Variants in TSPAN8 observed in about 807,000 individuals in gnomAD.
The protein encoded by TSPAN8 is tetraspanin 8.
TSPAN8 carries 21 observed loss-of-function variants against 32.8 expected under a neutral mutation model. The observed-to-expected ratio is 0.64, with a 90% CI of 0.45 to 0.92. The LOEUF is 0.92. Ranked by LOEUF, TSPAN8 falls within the 40% of genes least tolerant of loss-of-function variation. The probability of loss-of-function intolerance (pLI) is 0.00; values close to 1 mark genes in which losing one functional copy is unlikely to be tolerated. For missense variants in TSPAN8, 269 were observed against 281.9 expected (o/e 0.95, Z 0.33); for synonymous variants, 95 against 94.6 (o/e 1.00, Z -0.03).
intron 3 of TSPAN8, among the ~76,000 whole-genome samples, chr12:71,141,269 A>C (rs1385293500): frequency 2.0e-5 from 3 of 152,228 alleles, no homozygotes; most frequent in African/African-American, 7.2e-5. Flanking sequence ...AGCTTGGTTA[A>C]GTCCTAAAGA....
chr12:71,139,012 A>T (rs200687751), intron 4 of TSPAN8: 2 of 179,620 alleles, frequency 1.1e-5, no homozygotes, highest in African/African-American at 1.2e-4. Context: ...TGTATATGTT[A>T]AAAGTGAATG....
chr12:71,151,220 C>T (rs1455408026), intron 2 of TSPAN8, among the ~76,000 whole-genome samples: 4 of 152,026 alleles, frequency 2.6e-5, no homozygotes, highest in African/African-American at 7.2e-5. Flanking sequence ...TCAGCCACCA[C>T]GCCCAGCTAA....
intron 7 of TSPAN8, 120 bp from the exon 8 acceptor site, chr12:71,129,534 A>G: frequency 3.6e-6 from 4 of 1,106,952 alleles, no homozygotes; most frequent in Non-Finnish European, 4.9e-6. Context: ...ACTTAACGAC[A>G]AGGAACTGGG....
rs552451793 is a variant in TSPAN8 at position 71,153,051 on chromosome 12, T to C, written c.60+4568A>G. Among the ~76,000 whole-genome samples, 66 of 152,294 alleles carry C rather than the reference T, an allele frequency of 4.3e-4. 1 individual carries two copies. The South Asian group carries it at 0.013, about 31-fold the overall frequency. ...TATGACTCATTTGGGATTGATAGTG[T>C]ACCTCATTCTTCTTTCCCTCATTAA... On this transcript the variant is annotated intron_variant, in intron 2 of 8. Coordinates refer to ENST00000247829, the MANE Select transcript of TSPAN8 (RefSeq NM_004616.3).
intron 7 of TSPAN8, among the ~76,000 whole-genome samples, chr12:71,129,972 A>G (rs1170970674): frequency 1.4e-5 from 2 of 138,492 alleles, no homozygotes; most frequent in African/African-American, 2.8e-5. Flanking sequence ...TTTTTCTTTG[A>G]GACAGGGTCT....
chr12:71,132,920 G>T (rs951367172), intron 6 of TSPAN8, 96 bp from the exon 7 acceptor site: 1 of 1,400,264 alleles, frequency 7.1e-7, no homozygotes, highest in African/African-American at 1.5e-5. Context: ...ATTATTAAAG[G>T]TTATTATGCT....
intron 2 of TSPAN8, among the ~76,000 whole-genome samples, chr12:71,154,235 G>A (rs1162405921): frequency 6.6e-6 from 1 of 151,588 alleles, no homozygotes; most frequent in Non-Finnish European, 1.5e-5. Context: ...GCTAGAACCT[G>A]GGAAGCAGAG....
intron 4 of TSPAN8, chr12:71,139,134 A>T (rs758874502): frequency 6.6e-6 from 3 of 456,094 alleles, no homozygotes; most frequent in Non-Finnish European, 1.3e-5. Flanking sequence ...AACACCTATG[A>T]TTTTACCACA....
chr12:71,148,817 C>T lies in TSPAN8; in HGVS notation c.61-4604G>A, dbSNP rs186335378. Among the ~76,000 whole-genome samples, 691 of 152,192 alleles carry T rather than the reference C, an allele frequency of 4.5e-3. 1 individual carries two copies. The highest frequency in any genetic ancestry group is 0.01 in the South Asian group (49 of 4,824). ...TTATGTTTGTAGTTTACTTGCAGTC[C>T]TTACATATTTTATCCATTTCCCTTT... On this transcript the variant is annotated intron_variant, in intron 2 of 8. Coordinates refer to ENST00000247829, the MANE Select transcript of TSPAN8 (RefSeq NM_004616.3).
intron 2 of TSPAN8, among the ~76,000 whole-genome samples, chr12:71,156,144 A>G (rs544061348): frequency 6.6e-6 from 1 of 151,978 alleles, no homozygotes; most frequent in South Asian, 2.1e-4. Context: ...GGGGAAGTGA[A>G]TACAGTAAAA....
intron 7 of TSPAN8, 73 bp from the exon 8 acceptor site, chr12:71,129,487 A>G (rs1248348839): frequency 2.2e-5 from 31 of 1,385,048 alleles, no homozygotes; most frequent in Non-Finnish European, 2.7e-5. Flanking sequence ...AATTTTTATT[A>G]ATCTGGTTGA....
chr12:71,157,444 C>T (rs905850131), intron 2 of TSPAN8, 175 bp downstream of exon 2: 4 of 529,352 alleles, frequency 7.6e-6, no homozygotes, highest in Non-Finnish European at 1.3e-5. Context: ...GTCCTTGGCT[C>T]ATTTTCAATT....
At position 71,139,974 on chromosome 12, in the gene TSPAN8, G is replaced by A. The variant is rs369232442; in HGVS notation, c.124-126C>T. 41 of 356,114 alleles carry A rather than the reference G, an allele frequency of 1.2e-4. 9 individuals carry two copies. The African/African-American group carries it at 1.7e-3, about 15-fold the overall frequency. 22.1% of individuals were successfully genotyped at this position (356,114 alleles called of 1,614,324 possible). On this transcript the variant is annotated intron_variant, in intron 3 of 8. Transcript: ENST00000247829. ...TGTGCCAGGACCCTGAAATACATCA[G>A]TGATCTTAAAAAGTACAAATCCTTG...
chr12:71,130,405 A>G (rs1871484512), intron 7 of TSPAN8, among the ~76,000 whole-genome samples: 1 of 152,214 alleles, frequency 6.6e-6, no homozygotes, highest in Admixed American at 6.5e-5. Flanking sequence ...TGAAATGTAT[A>G]CAATCCAGGA....
chr12:71,139,300 A>G, intron 4 of TSPAN8: 1 of 460,314 alleles, frequency 2.2e-6, no homozygotes, highest in Non-Finnish European at 4.3e-6. Context: ...CAAATACCTT[A>G]TTCACTTCTG....
intron 4 of TSPAN8, 82 bp downstream of exon 4, chr12:71,139,629 G>T: frequency 6.7e-7 from 1 of 1,500,282 alleles, no homozygotes; most frequent in Non-Finnish European, 9.0e-7. Context: ...ATCATGGCAC[G>T]TTCTTTTAAC....
chr12:71,137,946 T>G lies in TSPAN8; in HGVS notation c.444+7A>C. ...ACTCTTTAAAATGAACAATGAATTC[T>G]AATTACCTCTTCTTGAAACACAATT... On this transcript the variant is annotated splice_region_variant and intron_variant, in intron 6 of 8. Transcript: ENST00000247829. The G allele has an allele frequency of 6.2e-7, 1 of 1,608,724 alleles. No individual in the cohort carries two copies. The highest frequency in any genetic ancestry group is 8.5e-7 in the Non-Finnish European group (1 of 1,177,532).
chr12:71,129,563 G>T, intron 7 of TSPAN8, 149 bp from the exon 8 acceptor site: 1 of 894,096 alleles, frequency 1.1e-6, no homozygotes. Context: ...TCCACTCCCT[G>T]CTTCACCTTT....
chr12:71,156,296 C>G (rs1477673199), intron 2 of TSPAN8, among the ~76,000 whole-genome samples: 1 of 98,448 alleles, frequency 1.0e-5, no homozygotes, highest in Non-Finnish European at 2.0e-5. Context: ...AGAAACAAAA[C>G]AAAACCAAAG....
Sources: gnomAD v4.1 joint callset for allele counts (sites outside exome capture counted in the v4.1 genomes callset) on GRCh38, gnomAD v4.1.1 for gene constraint, MANE v1.5 for transcripts, NCBI Gene and HGNC (gene_info 2026-07-23, HGNC 2026-07-21) for gene names.